CAP2: variants seen among roughly 807,000 people sequenced by gnomAD.
CAP2 encodes cyclase associated actin cytoskeleton regulatory protein 2.
Under a neutral mutation model 57.7 loss-of-function variants are expected in CAP2, and 24 were observed. That is an observed-to-expected ratio of 0.42 (90% CI 0.30 to 0.58). The LOEUF is 0.58. CAP2 is among the 20% of genes least tolerant of loss of function. The pLI, the probability that CAP2 is intolerant of heterozygous loss-of-function variation, is 0.22. For missense variants in CAP2, 501 were observed against 590.3 expected, an observed-to-expected ratio of 0.85 and a Z score of 1.57; for synonymous variants, 194 against 207.2, an observed-to-expected ratio of 0.94 and a Z score of 0.55.
chr6:17,508,733 GA>G (rs1410221417), intron 6 of CAP2, among the ~76,000 whole-genome samples: 1 of 148,898 alleles, frequency 6.7e-6, no homozygotes, highest in Non-Finnish European at 1.5e-5. Flanking sequence ...TGCATTATTG[GA>G]TTATTGCTTC....
intron 3 of CAP2, among the ~76,000 whole-genome samples, chr6:17,441,188 T>C (rs6918762): frequency 0.64 from 97,204 of 150,920 alleles, 33,113 homozygotes; most frequent in East Asian, 0.86. Context: ...TCTTATATTT[T>C]AGGAGGCTAT....
intron 1 of CAP2, among the ~76,000 whole-genome samples, chr6:17,406,463 G>A (rs551641438): frequency 1.4e-5 from 2 of 146,156 alleles, no homozygotes; most frequent in East Asian, 2.0e-4. Context: ...GTGCAATCTC[G>A]GCTCACTGCA....
chr6:17,519,565 T>G (rs548232183), intron 7 of CAP2, among the ~76,000 whole-genome samples: 9 of 152,308 alleles, frequency 5.9e-5, no homozygotes, highest in African/African-American at 2.2e-4. Context: ...TCATATGAGT[T>G]TGTGTCATTT....
chr6:17,426,612 C>T lies in CAP2; in HGVS notation c.144C>T (p.Ala48=). 1 of 1,613,954 alleles carries T rather than the reference C, an allele frequency of 6.2e-7. No homozygotes were observed. The highest frequency in any genetic ancestry group is 8.5e-7 in the Non-Finnish European group (1 of 1,179,876). The change falls in exon 3 of 13, where the codon GCC becomes GCT. Residue 48 remains alanine (A), a synonymous_variant. Transcript: ENST00000229922. ...AAGGTGTGGCACCCTCCGTGGAAGC[C>T]TTTGACAAGCTGATGGACAGTATGG... ...VIAGVAPSVE[A]FDKLMDSMVA...
chr6:17,543,442 C>T (rs1561822997), intron 11 of CAP2, among the ~76,000 whole-genome samples: 1 of 151,940 alleles, frequency 6.6e-6, no homozygotes, highest in Non-Finnish European at 1.5e-5. Flanking sequence ...ACAGTGAAAC[C>T]CTGTCTCTAC....
chr6:17,538,402 G>T (rs1762822357), intron 7 of CAP2, among the ~76,000 whole-genome samples: 1 of 152,008 alleles, frequency 6.6e-6, no homozygotes, highest in Non-Finnish European at 1.5e-5. Context: ...GCTGCAGTGA[G>T]CTATGTTCAC....
chr6:17,547,292 G>C (rs1332488317), intron 11 of CAP2, among the ~76,000 whole-genome samples: 1 of 152,060 alleles, frequency 6.6e-6, no homozygotes. Flanking sequence ...ACATATATAT[G>C]CACACATAGA....
rs1759357475 is a variant in CAP2 at position 17,418,893 on chromosome 6, T to C, written c.-1-2662T>C. Among the ~76,000 whole-genome samples, 3 of 152,140 alleles carry C rather than the reference T, an allele frequency of 2.0e-5. 1 individual carries two copies. Among genetic ancestry groups the C allele is most frequent in the Admixed American group, 2.0e-4 (3 of 15,282 alleles). On this transcript the variant is annotated intron_variant, in intron 1 of 12. Coordinates refer to ENST00000229922, the MANE Select transcript of CAP2 (RefSeq NM_006366.3). Reference sequence around the variant, plus strand: ...TCTCTTTCCTTTTTTTTTCCTTCAATTGCGATGGAAGCACAAGCTCTGACG... The same window carrying C: ...TCTCTTTCCTTTTTTTTTCCTTCAACTGCGATGGAAGCACAAGCTCTGACG...
intron 9 of CAP2, 117 bp from the exon 10 acceptor site, chr6:17,542,720 T>C (rs1302277169): frequency 1.2e-6 from 1 of 824,616 alleles, no homozygotes; most frequent in Non-Finnish European, 2.0e-6. Context: ...AAGGAGATGG[T>C]TCCAAAAGAA....
intron 6 of CAP2, among the ~76,000 whole-genome samples, chr6:17,508,529 C>T (rs530612878): frequency 5.3e-5 from 8 of 152,224 alleles, no homozygotes; most frequent in African/African-American, 1.7e-4. Flanking sequence ...TGCCTAGGAA[C>T]TAAGGGAAGG....
intron 1 of CAP2, among the ~76,000 whole-genome samples, chr6:17,402,976 T>A (rs1175356047): frequency 6.6e-6 from 1 of 152,230 alleles, no homozygotes; most frequent in Non-Finnish European, 1.5e-5. Context: ...TTAAGTGACA[T>A]TTCTATAACA....
intron 3 of CAP2, among the ~76,000 whole-genome samples, chr6:17,459,550 T>C (rs1342965262): frequency 6.6e-6 from 1 of 152,154 alleles, no homozygotes. Context: ...AAATAGTATT[T>C]AAGGAACAGA....
At chr6:17,416,822 A>G (rs1759287487) in intron 1 of CAP2, among the ~76,000 whole-genome samples, 1 of 152,236 alleles carries the variant, frequency 6.6e-6, no homozygotes, top group Non-Finnish European at 1.5e-5. Flanking sequence ...CCTGGATGCC[A>G]TGGCTCATGC....
chr6:17,449,299 T>G (rs1303223755), intron 3 of CAP2, among the ~76,000 whole-genome samples: 3 of 152,210 alleles, frequency 2.0e-5, no homozygotes, highest in Non-Finnish European at 4.4e-5. Flanking sequence ...GATGGTTATC[T>G]AGTAGTATTT....
At chr6:17,434,804 A>G (rs1226328757) in intron 3 of CAP2, among the ~76,000 whole-genome samples, 1 of 152,128 alleles carries the variant, frequency 6.6e-6, no homozygotes, top group African/African-American at 2.4e-5. Context: ...ATATATCCAG[A>G]ATCTACAATG....
chr6:17,462,002 A>AAAAAAAAAAAAAAAAAAAAAAAAAAAAAT (rs1760741516), intron 3 of CAP2, among the ~76,000 whole-genome samples: 1 of 127,892 alleles, frequency 7.8e-6, no homozygotes, highest in Non-Finnish European at 1.6e-5. Flanking sequence ...CAAAAAAAAA[A>AAAAAAAAAAAAAAAAAAAAAAAAAAAAAT]AAAAAAAAAA....
At chr6:17,547,981 A>G (rs1249679951) in intron 11 of CAP2, among the ~76,000 whole-genome samples, 1 of 152,148 alleles carries the variant, frequency 6.6e-6, no homozygotes, top group Non-Finnish European at 1.5e-5. Flanking sequence ...TCAAGAAACT[A>G]TAAAACTAAA....
intron 7 of CAP2, among the ~76,000 whole-genome samples, chr6:17,530,691 C>T (rs1762618825): frequency 1.3e-5 from 2 of 152,094 alleles, no homozygotes; most frequent in Non-Finnish European, 2.9e-5. Flanking sequence ...AGGTGGCTCA[C>T]AACAGTACTA....
chr6:17,531,259 C>T, intron 7 of CAP2: 1 of 812,766 alleles, frequency 1.2e-6, no homozygotes, highest in Non-Finnish European at 2.2e-6. Flanking sequence ...TTAACTGAAG[C>T]CTTGTTGAGC....
Sources: allele counts gnomAD v4.1 joint callset (sites outside exome capture counted in the v4.1 genomes callset), GRCh38; gene constraint gnomAD v4.1.1; transcripts MANE v1.5; gene names NCBI Gene and HGNC (gene_info 2026-07-23, HGNC 2026-07-21).